The following DLGAP2 variants were observed in gnomAD, a reference collection of about 807,000 sequenced individuals.
DLGAP2 encodes disks large-associated protein 2.
A neutral mutation model predicts 100.3 loss-of-function variants in DLGAP2; 26 were observed. The ratio of observed to expected loss-of-function variants is 0.26; its 90% CI spans 0.19 to 0.36. DLGAP2 has a LOEUF of 0.36. Among genes scored for constraint, DLGAP2 ranks in the 10% least tolerant of loss-of-function variants. The pLI is 1.00. For synonymous variants in DLGAP2, 886 were observed against 630.1 expected (o/e 1.41, Z -6.08); for missense variants, 1,858 against 1,453.2 (o/e 1.28, Z -4.53).
intron 2 of DLGAP2, among the ~76,000 whole-genome samples, chr8:1,181,468 C>T (rs1797386019): frequency 6.6e-6 from 1 of 152,036 alleles, no homozygotes; most frequent in African/African-American, 2.4e-5. Context: ...GCATAGTATT[C>T]TCACCTCTAA....
intron 2 of DLGAP2, among the ~76,000 whole-genome samples, chr8:989,917 G>C (rs957786767): frequency 9.2e-5 from 14 of 152,060 alleles, no homozygotes; most frequent in Non-Finnish European, 2.9e-5. Context: ...TAACTGAATT[G>C]TAATTTGCAT....
chr8:849,272 C>G (rs907170231), intron 1 of DLGAP2, among the ~76,000 whole-genome samples: 1 of 152,122 alleles, frequency 6.6e-6, no homozygotes, highest in Admixed American at 6.5e-5. Context: ...CATAGGATCA[C>G]ACAGAGTCTG....
At chr8:1,551,342 C>A (rs960209189) in intron 5 of DLGAP2, among the ~76,000 whole-genome samples, 2 of 152,192 alleles carry the variant, frequency 1.3e-5, no homozygotes, top group African/African-American at 4.8e-5. Context: ...TTGTTTTTGT[C>A]TGTGCCTGGT....
intron 2 of DLGAP2, among the ~76,000 whole-genome samples, chr8:1,239,924 C>T (rs1471229542): frequency 6.9e-5 from 9 of 131,094 alleles, no homozygotes; most frequent in East Asian, 5.0e-4. Flanking sequence ...CACATGGCAC[C>T]GTGTCTAGTT....
chr8:763,141 C>T (rs529169771), intron 1 of DLGAP2, among the ~76,000 whole-genome samples: 51 of 151,990 alleles, frequency 3.4e-4, no homozygotes, highest in Admixed American at 2.3e-3. Flanking sequence ...AGTGCAGGGA[C>T]GAAGCTGAGC....
intron 2 of DLGAP2, among the ~76,000 whole-genome samples, chr8:931,891 A>C (rs1798967045): frequency 1.3e-5 from 2 of 152,122 alleles, no homozygotes; most frequent in Admixed American, 1.3e-4. Context: ...GCTGGAATTC[A>C]TTTGGCCTCT....
rs191326268 is a variant in DLGAP2, at chr8:1,686,985, T to G, written c.2705-4550T>G. ...GTTCAAATATCATATGTGCCCCCAA[T>G]AATATGTACAACTGTGATAAATCCA... On this transcript the variant is annotated intron_variant, in intron 12 of 14. Transcript: ENST00000637795. Among the ~76,000 whole-genome samples, 511 of 152,200 alleles carry G rather than the reference T, an allele frequency of 3.4e-3. 3 individuals are homozygous for G. The highest frequency in any genetic ancestry group is 0.011 in the African/African-American group (471 of 41,520).
chr8:829,881 C>T (rs1421576388), intron 1 of DLGAP2, among the ~76,000 whole-genome samples: 1 of 152,230 alleles, frequency 6.6e-6, no homozygotes, highest in South Asian at 2.1e-4. Context: ...CATGAGGTTC[C>T]CCATTACATG....
chr8:1,056,406 C>T (rs1411008861), intron 2 of DLGAP2, among the ~76,000 whole-genome samples: 1 of 152,198 alleles, frequency 6.6e-6, no homozygotes, highest in African/African-American at 2.4e-5. Context: ...TTTTTCCCAT[C>T]TCTTTTTCCT....
intron 3 of DLGAP2, among the ~76,000 whole-genome samples, chr8:1,490,151 A>C (rs1421386701): frequency 1.3e-5 from 2 of 152,088 alleles, no homozygotes; most frequent in African/African-American, 4.8e-5. Context: ...CAGCCTCCCA[A>C]AGTGCTGAGA....
At chr8:1,563,244 A>G (rs1184048465) in intron 5 of DLGAP2, among the ~76,000 whole-genome samples, 1 of 31,928 alleles carries the variant, frequency 3.1e-5, no homozygotes, top group Non-Finnish European at 5.4e-5. Context: ...GCGCCTCGTT[A>G]CTGGGGGACT....
chr8:786,445 G>A (rs1821869906), intron 1 of DLGAP2, among the ~76,000 whole-genome samples: 1 of 152,154 alleles, frequency 6.6e-6, no homozygotes, highest in Non-Finnish European at 1.5e-5. Flanking sequence ...GGCCAGCAGA[G>A]AACTTAGAAA....
At chr8:1,456,324 C>T (rs7012498) in intron 3 of DLGAP2, among the ~76,000 whole-genome samples, 5 of 152,224 alleles carry the variant, frequency 3.3e-5, no homozygotes, top group Admixed American at 6.5e-5. Flanking sequence ...CCACCCTGTA[C>T]GTATTCATCA....
At chr8:1,384,888 C>T in intron 3 of DLGAP2, among the ~76,000 whole-genome samples, 1 of 31,354 alleles carries the variant, frequency 3.2e-5, no homozygotes, top group Admixed American at 3.7e-4. Context: ...CGGTCTGTGC[C>T]CGTCCCCTGA....
At chr8:1,363,810 G>A (rs1349332303) in intron 3 of DLGAP2, among the ~76,000 whole-genome samples, 2 of 152,218 alleles carry the variant, frequency 1.3e-5, no homozygotes, top group Non-Finnish European at 2.9e-5. Context: ...GAGGCTGCGG[G>A]TGTGACAGAG....
chr8:1,230,629 C>T (rs899198176), intron 2 of DLGAP2, among the ~76,000 whole-genome samples: 2 of 152,204 alleles, frequency 1.3e-5, no homozygotes, highest in Non-Finnish European at 2.9e-5. Flanking sequence ...CTACAGTAAC[C>T]AAATAGCATG....
chr8:1,041,995 C>G (rs992655463), intron 2 of DLGAP2, among the ~76,000 whole-genome samples: 2 of 152,282 alleles, frequency 1.3e-5, no homozygotes, highest in Admixed American at 6.5e-5. Flanking sequence ...GCTCGGCTGT[C>G]GAGGTAATTC....
chr8:1,623,045 A>G (rs1797388460), intron 6 of DLGAP2, among the ~76,000 whole-genome samples: 1 of 152,224 alleles, frequency 6.6e-6, no homozygotes, highest in Non-Finnish European at 1.5e-5. Context: ...GGGACTCTAT[A>G]TGATAAAATG....
chr8:1,596,032 C>T (rs927231852), intron 6 of DLGAP2, among the ~76,000 whole-genome samples: 3 of 149,794 alleles, frequency 2.0e-5, no homozygotes, highest in Non-Finnish European at 4.4e-5. Context: ...AGCTCCCCAC[C>T]CCCCAACAGG....
Sources: allele counts gnomAD v4.1 joint callset (sites outside exome capture counted in the v4.1 genomes callset), GRCh38; gene constraint gnomAD v4.1.1; transcripts MANE v1.5; gene names NCBI Gene and HGNC (gene_info 2026-07-23, HGNC 2026-07-21).